Variants in DST observed in about 807,000 individuals in gnomAD.
The protein encoded by DST is bullous pemphigoid antigen.
Under a neutral mutation model 875.2 loss-of-function variants are expected in DST, and 253 were observed. The observed-to-expected ratio is 0.29, with a 90% CI of 0.26 to 0.32. The LOEUF (loss-of-function observed/expected upper bound fraction) is 0.32. Ranked by LOEUF, DST falls within the 10% of genes least tolerant of loss-of-function variation. The pLI is 1.00. For missense variants in DST, 8,287 were observed against 9,111.6 expected (o/e 0.91, Z 3.68); for synonymous variants, 3,124 against 3,197.1 (o/e 0.98, Z 0.77).
chr6:56,951,309 T>C (rs1822179630), intron 2 of DST, among the ~76,000 whole-genome samples: 1 of 152,218 alleles, frequency 6.6e-6, no homozygotes, highest in African/African-American at 2.4e-5. Flanking sequence ...GTTAATCTAC[T>C]TACTGAGAAT....
chr6:56,573,014 A>G lies in DST; in HGVS notation c.13287T>C (p.Asn4429=), dbSNP rs2097799513. 1 of 1,605,060 alleles carries G rather than the reference A, an allele frequency of 6.2e-7. No individual in the cohort carries two copies. The highest frequency in any genetic ancestry group is 1.7e-5 in the Admixed American group (1 of 58,614). ...AGRQSSINAM[N]EKVKKFMETT... ...TTTCCATAAATTTCTTCACTTTTTC[A>G]TTCATGGCATTTATACTGCTCTGAC... is the stretch of plus-strand genomic sequence containing the variant. Residue 4429 remains asparagine (N), a synonymous_variant, in exon 52 of 104, where the codon AAT becomes AAC. Coordinates refer to ENST00000680361, the MANE Select transcript of DST (RefSeq NM_001374736.1).
At chr6:56,612,796 A>G (rs186707541) in intron 37 of DST, among the ~76,000 whole-genome samples, 1 of 152,220 alleles carries the variant, frequency 6.6e-6, no homozygotes, top group Non-Finnish European at 1.5e-5. Context: ...TTAAGAATGT[A>G]TCTAGGGTAC....
At chr6:56,668,957 A>C (rs2099085828) in intron 10 of DST, among the ~76,000 whole-genome samples, 1 of 152,098 alleles carries the variant, frequency 6.6e-6, no homozygotes, top group Admixed American at 6.6e-5. Flanking sequence ...ATGTCAAATC[A>C]AACAGAGCTG....
At chr6:56,537,986 T>C (rs1221402203) in intron 61 of DST, among the ~76,000 whole-genome samples, 1 of 151,760 alleles carries the variant, frequency 6.6e-6, no homozygotes, top group Non-Finnish European at 1.5e-5. Context: ...ACATCAATAT[T>C]ATGATTATTT....
intron 4 of DST, among the ~76,000 whole-genome samples, chr6:56,748,506 T>TA (rs1296433543): frequency 6.6e-6 from 1 of 152,158 alleles, no homozygotes; most frequent in Non-Finnish European, 1.5e-5. Flanking sequence ...AATACGATAA[T>TA]AGAGTATAAT....
chr6:56,680,228 T>A (rs1349250753), intron 9 of DST, among the ~76,000 whole-genome samples: 1 of 152,166 alleles, frequency 6.6e-6, no homozygotes, highest in Non-Finnish European at 1.5e-5. Context: ...ACCATTCCAC[T>A]AAAACTAAGT....
chr6:56,661,532 T>C (rs1382802643), intron 10 of DST, among the ~76,000 whole-genome samples: 1 of 151,408 alleles, frequency 6.6e-6, no homozygotes, highest in African/African-American at 2.4e-5. Context: ...ACTTCCTAAA[T>C]CTCTAGGAGA....
Position 56,634,378 on chromosome 6 carries a change from G to C in DST, c.3494+84C>G, listed in dbSNP as rs41271880. ...GTTCTAGAGACTTTTGATCCTGTGG[G>C]GCCTTGACAAAGTATTGATTGTTCC... is the stretch of plus-strand genomic sequence containing the variant. On this transcript the variant is annotated intron_variant, in intron 26 of 103. Transcript: ENST00000680361. 20,478 of 1,605,944 alleles carry C rather than the reference G, an allele frequency of 0.013. 154 individuals carry two copies. Among genetic ancestry groups the C allele is most frequent in the Non-Finnish European group, 0.016 (18,571 of 1,173,478 alleles).
intron 69 of DST, among the ~76,000 whole-genome samples, chr6:56,518,933 ACT>A (rs769247315): frequency 3.3e-5 from 5 of 152,030 alleles, no homozygotes; most frequent in Admixed American, 6.6e-5. Flanking sequence ...TACTTTAAAA[ACT>A]CTGCAACACT....
At chr6:56,554,880 C>T (rs2097381860) in intron 60 of DST, among the ~76,000 whole-genome samples, 3 of 152,146 alleles carry the variant, frequency 2.0e-5, no homozygotes, top group African/African-American at 7.2e-5. Context: ...ACATATGCCA[C>T]AGAATTATAG....
chr6:56,680,247 CCAGA>C (rs1437687547), intron 9 of DST, among the ~76,000 whole-genome samples: 3 of 152,068 alleles, frequency 2.0e-5, no homozygotes, highest in Non-Finnish European at 4.4e-5. Context: ...GTAAAGGTGA[CCAGA>C]CAAAGTGAGG....
chr6:56,892,189 T>C (rs1314083710), intron 3 of DST, among the ~76,000 whole-genome samples: 2 of 152,180 alleles, frequency 1.3e-5, no homozygotes, highest in Admixed American at 6.5e-5. Context: ...GAAATGTATG[T>C]TGGCCCCTAA....
intron 5 of DST, among the ~76,000 whole-genome samples, chr6:56,716,930 C>T (rs544635542): frequency 4.0e-4 from 61 of 152,216 alleles, no homozygotes; most frequent in African/African-American, 1.3e-3. Flanking sequence ...GCCTGTAATC[C>T]CAGCACCTTG....
intron 2 of DST, among the ~76,000 whole-genome samples, chr6:56,914,609 A>G (rs568141361): frequency 1.3e-4 from 20 of 152,336 alleles, no homozygotes; most frequent in Admixed American, 5.2e-4. Flanking sequence ...GCACTCCCCA[A>G]TAAATCTCCT....
intron 4 of DST, among the ~76,000 whole-genome samples, chr6:56,785,006 G>A (rs1173786503): frequency 6.6e-6 from 1 of 152,210 alleles, no homozygotes; most frequent in Non-Finnish European, 1.5e-5. Context: ...GACCCTGTTT[G>A]CCTGGGTATC....
intron 4 of DST, among the ~76,000 whole-genome samples, chr6:56,834,422 C>T (rs1242365258): frequency 6.6e-6 from 1 of 152,098 alleles, no homozygotes; most frequent in Non-Finnish European, 1.5e-5. Context: ...TATGGTGAAA[C>T]TCCATCTCTA....
At chr6:56,816,934 GTC>G (rs2099767266) in intron 4 of DST, among the ~76,000 whole-genome samples, 2 of 151,204 alleles carry the variant, frequency 1.3e-5, no homozygotes, top group Non-Finnish European at 2.9e-5. Flanking sequence ...GATCTTTATA[GTC>G]TCTGCTAGAT....
Position 56,629,403 on chromosome 6 carries a change from T to C in DST, c.4322A>G (p.His1441Arg). The change falls in exon 32 of 104, where the codon CAT becomes CGT. Residue 1441 changes from histidine (H) to arginine (R), a missense_variant. By Grantham distance (29) the His-to-Arg change is conservative. Transcript: ENST00000680361. ...SEVDEKRQVF[H>R]ALEDELQKAK... ...TTTCTGCAACTCATCCTCTAAGGCATGGAATACCTGTCTCTTTTCATCTAC... is the reference window on the plus strand; with the variant it reads ...TTTCTGCAACTCATCCTCTAAGGCACGGAATACCTGTCTCTTTTCATCTAC... The C allele has an allele frequency of 6.2e-7, 1 of 1,613,630 alleles. No individual in the cohort carries two copies. Among genetic ancestry groups the C allele is most frequent in the Non-Finnish European group, 8.5e-7 (1 of 1,179,708 alleles).
At chr6:56,463,923 G>C in intron 100 of DST, 159 bp from the exon 101 acceptor site, 2 of 798,638 alleles carry the variant, frequency 2.5e-6, no homozygotes. Context: ...ATAACAAAAA[G>C]TTAAATGCAT....
Sources: allele counts gnomAD v4.1 joint callset (sites outside exome capture counted in the v4.1 genomes callset), GRCh38; gene constraint gnomAD v4.1.1; transcripts MANE v1.5; gene names NCBI Gene and HGNC (gene_info 2026-07-23, HGNC 2026-07-21).